Variants in CRPPA observed in about 807,000 individuals in gnomAD.
CRPPA encodes the protein CDP-L-ribitol pyrophosphorylase A, also known as D-ribitol-5-phosphate cytidylyltransferase.
Under a neutral mutation model 52.0 loss-of-function variants are expected in CRPPA, and 43 were observed. The ratio of observed to expected loss-of-function variants is 0.83; its 90% CI spans 0.65 to 1.07. CRPPA has a LOEUF of 1.07. Ranked by LOEUF, CRPPA falls within the 50% of genes least tolerant of loss-of-function variation. CRPPA has a pLI of 0.00. For synonymous variants in CRPPA, 250 were observed against 203.5 expected, an observed-to-expected ratio of 1.23 and a Z score of -1.94; for missense variants, 629 against 551.7, an observed-to-expected ratio of 1.14 and a Z score of -1.40.
At chr7:16,299,072 ATCTCTGTACAT>A (rs1267403100) in intron 5 of CRPPA, among the ~76,000 whole-genome samples, 3 of 152,338 alleles carry the variant, frequency 2.0e-5, no homozygotes, top group African/African-American at 7.2e-5. Flanking sequence ...TCTTATCTAT[ATCTCTGTACAT>A]CCTACTGGTT....
chr7:16,312,665 T>C (rs1785059114), intron 3 of CRPPA, among the ~76,000 whole-genome samples: 1 of 152,004 alleles, frequency 6.6e-6, no homozygotes. Context: ...GCCTTGTTCT[T>C]GACCTTACCA....
chr7:16,179,743 A>G (rs10807780), intron 9 of CRPPA, among the ~76,000 whole-genome samples: 74,320 of 151,870 alleles, frequency 0.49, 18,608 homozygotes, highest in East Asian at 0.77. Context: ...ATTTGTTACA[A>G]CAGCAACACG....
At chr7:16,342,583 T>C (rs1785875680) in intron 3 of CRPPA, among the ~76,000 whole-genome samples, 1 of 151,348 alleles carries the variant, frequency 6.6e-6, no homozygotes, top group Non-Finnish European at 1.5e-5. Flanking sequence ...TCTTATTTCA[T>C]GTTGATAATC....
At chr7:16,262,637 G>A (rs752735412) in intron 6 of CRPPA, among the ~76,000 whole-genome samples, 4 of 152,072 alleles carry the variant, frequency 2.6e-5, no homozygotes, top group Non-Finnish European at 4.4e-5. Context: ...AACAAAATCA[G>A]ACACTGATAA....
intron 9 of CRPPA, among the ~76,000 whole-genome samples, chr7:16,151,015 T>C (rs1293675929): frequency 6.6e-6 from 1 of 152,246 alleles, no homozygotes; most frequent in Non-Finnish European, 1.5e-5. Context: ...GTTCCCAACA[T>C]AGGTTTTTTG....
chr7:16,412,947 G>T (rs1175534053), intron 1 of CRPPA, among the ~76,000 whole-genome samples: 1 of 152,148 alleles, frequency 6.6e-6, no homozygotes, highest in African/African-American at 2.4e-5. Context: ...AGTTTTAACA[G>T]ATCTATTGGG....
At chr7:16,394,776 G>A (rs1305097649) in intron 2 of CRPPA, among the ~76,000 whole-genome samples, 1 of 152,082 alleles carries the variant, frequency 6.6e-6, no homozygotes, top group Non-Finnish European at 1.5e-5. Context: ...CAAGAAGAGA[G>A]ATCAAAGCAA....
At chr7:16,097,462 C>T (rs1172337490) in intron 9 of CRPPA, among the ~76,000 whole-genome samples, 1 of 152,090 alleles carries the variant, frequency 6.6e-6, no homozygotes, top group Non-Finnish European at 1.5e-5. Context: ...TCTCTACCAC[C>T]TATAATTTCA....
chr7:16,295,800 C>T (rs1306319660), intron 5 of CRPPA, among the ~76,000 whole-genome samples: 2 of 152,106 alleles, frequency 1.3e-5, no homozygotes, highest in Non-Finnish European at 2.9e-5. Context: ...GCATGCAGAG[C>T]AGACTTGGGT....
chr7:16,387,605 T>C (rs1389502329), intron 2 of CRPPA, among the ~76,000 whole-genome samples: 1 of 151,704 alleles, frequency 6.6e-6, no homozygotes, highest in Non-Finnish European at 1.5e-5. Flanking sequence ...AAGAGACAAC[T>C]ATGATTCAAA....
intron 2 of CRPPA, among the ~76,000 whole-genome samples, chr7:16,383,634 G>A (rs1419845525): frequency 2.3e-4 from 35 of 152,364 alleles, no homozygotes; most frequent in Admixed American, 1.0e-3. Context: ...TCCTTGAGCT[G>A]TGGTGGGCTC....
chr7:16,259,086 CAT>C, intron 6 of CRPPA, 74 bp from the exon 7 acceptor site: 1 of 1,045,420 alleles, frequency 9.6e-7, no homozygotes, highest in Non-Finnish European at 1.4e-6. Context: ...CAAAGGAACA[CAT>C]AATTGCTAGA....
At chr7:16,285,112 A>T (rs1380476791) in intron 5 of CRPPA, among the ~76,000 whole-genome samples, 1 of 152,214 alleles carries the variant, frequency 6.6e-6, no homozygotes, top group Non-Finnish European at 1.5e-5. Flanking sequence ...GAGGTTAATG[A>T]AATCAAAACA....
chr7:16,289,247 T>C (rs545508232), intron 5 of CRPPA, among the ~76,000 whole-genome samples: 8 of 152,230 alleles, frequency 5.3e-5, no homozygotes, highest in South Asian at 2.1e-4. Flanking sequence ...CAGGACCAGA[T>C]AGATTCACTG....
intron 9 of CRPPA, among the ~76,000 whole-genome samples, chr7:16,165,542 G>A (rs187977112): frequency 6.6e-6 from 1 of 152,290 alleles, no homozygotes; most frequent in African/African-American, 2.4e-5. Context: ...ATATGCTTCA[G>A]CAGCTATGTC....
intron 8 of CRPPA, among the ~76,000 whole-genome samples, chr7:16,228,725 G>C (rs1782713930): frequency 6.6e-6 from 1 of 151,886 alleles, no homozygotes; most frequent in Non-Finnish European, 1.5e-5. Flanking sequence ...ATTTACCCTG[G>C]AGAATATTCC....
At chr7:16,319,994 C>A (rs1450927395) in intron 3 of CRPPA, among the ~76,000 whole-genome samples, 2 of 152,152 alleles carry the variant, frequency 1.3e-5, no homozygotes, top group African/African-American at 2.4e-5. Context: ...GTTTTAATTC[C>A]TAGCTTGCCC....
chr7:16,369,199 A>G (rs1786684691), intron 3 of CRPPA, among the ~76,000 whole-genome samples: 1 of 152,040 alleles, frequency 6.6e-6, no homozygotes, highest in Admixed American at 6.5e-5. Flanking sequence ...CGAGTGCACA[A>G]TTTCTGTTCA....
At chr7:16,124,129 G>T (rs1419004397) in intron 9 of CRPPA, among the ~76,000 whole-genome samples, 1 of 144,204 alleles carries the variant, frequency 6.9e-6, no homozygotes, top group Admixed American at 6.9e-5. Flanking sequence ...TTTTTTTGAG[G>T]AACCTCCATA....
Sources: gnomAD v4.1 joint callset for allele counts (sites outside exome capture counted in the v4.1 genomes callset) on GRCh38, gnomAD v4.1.1 for gene constraint, MANE v1.5 for transcripts, NCBI Gene and HGNC (gene_info 2026-07-23, HGNC 2026-07-21) for gene names.